RSF1: variants seen among roughly 807,000 people sequenced by gnomAD.
RSF1 encodes the protein remodeling and spacing factor 1.
RSF1 carries 13 observed loss-of-function variants against 145.2 expected under a neutral mutation model. The observed-to-expected ratio is 0.09, with a 90% CI of 0.06 to 0.14. The LOEUF is 0.14. Among genes scored for constraint, RSF1 ranks in the 10% least tolerant of loss-of-function variants. The pLI is 1.00. For missense variants in RSF1, 1,517 were observed against 1,718.2 expected (o/e 0.88, Z 2.07); for synonymous variants, 577 against 592.6 (o/e 0.97, Z 0.38).
the RSF1 span, chr11:77,866,374 G>C: frequency 1.2e-4 from 18 of 152,376 alleles, no homozygotes; most frequent in East Asian, 3.5e-3. Flanking sequence ...AAGAGCCTTA[G>C]TGATTTGCCC....
chr11:77,794,537 A>G (rs1948552938), intron 1 of RSF1, among the ~76,000 whole-genome samples: 1 of 152,058 alleles, frequency 6.6e-6, no homozygotes, highest in Admixed American at 6.6e-5. Context: ...ATAAATAAAT[A>G]AAAGATTAAA....
At chr11:77,750,619 G>A (rs1948052079) in intron 2 of RSF1, among the ~76,000 whole-genome samples, 1 of 152,128 alleles carries the variant, frequency 6.6e-6, no homozygotes, top group African/African-American at 2.4e-5. Context: ...GTCTATAACG[G>A]TGAATTCTTG....
At chr11:77,790,659 G>A (rs1281957074) in intron 1 of RSF1, among the ~76,000 whole-genome samples, 1 of 152,200 alleles carries the variant, frequency 6.6e-6, no homozygotes, top group Admixed American at 6.5e-5. Flanking sequence ...TGGGGGTGCA[G>A]GAAGTTGATA....
intron 1 of RSF1, among the ~76,000 whole-genome samples, chr11:77,808,089 T>G (rs1220864540): frequency 6.6e-6 from 1 of 152,182 alleles, no homozygotes; most frequent in East Asian, 1.9e-4. Context: ...ATCCCAGCAC[T>G]TTGGGAGGCC....
chr11:77,812,545 G>A (rs1948741352), intron 1 of RSF1, among the ~76,000 whole-genome samples: 1 of 152,114 alleles, frequency 6.6e-6, no homozygotes, highest in Non-Finnish European at 1.5e-5. Flanking sequence ...GGAGGCTGAA[G>A]CCTGGTCTGT....
At chr11:77,680,988 G>A (rs578251522) in intron 11 of RSF1, among the ~76,000 whole-genome samples, 34 of 152,208 alleles carry the variant, frequency 2.2e-4, no homozygotes, top group African/African-American at 8.2e-4. Flanking sequence ...AAATTTGTTC[G>A]CTAAAATCAA....
At chr11:77,785,957 A>AAAT (rs1565180189) in intron 1 of RSF1, among the ~76,000 whole-genome samples, 3 of 141,816 alleles carry the variant, frequency 2.1e-5, no homozygotes, top group African/African-American at 8.0e-5. Flanking sequence ...AAAAAAAAGA[A>AAAT]TTATACGTAG....
At chr11:77,854,501 T>C in the RSF1 span, among the ~76,000 whole-genome samples, 1 of 152,202 alleles carries the variant, frequency 6.6e-6, no homozygotes, top group African/African-American at 2.4e-5. Context: ...TACAGGCCCA[T>C]GCAAGTCTGA....
chr11:77,860,011 C>T, the RSF1 span, among the ~76,000 whole-genome samples: 1 of 152,196 alleles, frequency 6.6e-6, no homozygotes, highest in Non-Finnish European at 1.5e-5. Context: ...GCTGCCATTA[C>T]CCATAAACAA....
intron 5 of RSF1, among the ~76,000 whole-genome samples, chr11:77,704,150 C>T (rs1478491861): frequency 3.9e-5 from 6 of 152,090 alleles, no homozygotes; most frequent in South Asian, 2.1e-4. Flanking sequence ...AAAAAGTAGC[C>T]GGGGCATGGT....
At chr11:77,820,433 G>A (rs999954606) in intron 1 of RSF1, 95 bp downstream of exon 1, 16 of 1,299,316 alleles carry the variant, frequency 1.2e-5, no homozygotes, top group Non-Finnish European at 1.7e-5. Flanking sequence ...GAGCCGCGGA[G>A]GCCCGAGCCG....
intron 2 of RSF1, 199 bp downstream of exon 2, chr11:77,764,399 A>T (rs1409727727): frequency 1.2e-4 from 61 of 504,350 alleles, no homozygotes; most frequent in Non-Finnish European, 1.5e-4. Flanking sequence ...CACTTCTGAA[A>T]TCTAACTTCA....
chr11:77,850,151 T>A, the RSF1 span, among the ~76,000 whole-genome samples: 4 of 152,236 alleles, frequency 2.6e-5, no homozygotes, highest in African/African-American at 9.6e-5. Flanking sequence ...GTTAATGTTA[T>A]AATTCCTTTT....
At chr11:77,750,280 A>T (rs1214819437) in intron 2 of RSF1, among the ~76,000 whole-genome samples, 2 of 152,216 alleles carry the variant, frequency 1.3e-5, no homozygotes, top group East Asian at 3.9e-4. Flanking sequence ...CTCAAGGCCC[A>T]AACAAGAAAT....
chr11:77,667,153 T>C lies in RSF1; in HGVS notation c.4090A>G (p.Ser1364Gly). The change falls in exon 16 of 16, where the codon AGC (serine) becomes GGC (glycine). Residue 1364 changes from serine (S) to glycine (G), a missense_variant. Physicochemically the swap from Ser to Gly is moderately conservative, Grantham distance 56 (BLOSUM62 0). This residue lies in a region of RSF1 where 240 missense variants were observed against 231.8 expected (regional missense o/e 1.04). Transcript: ENST00000308488. ...TTGGTTGAAGGTAAGTCCACTAAGC[T>C]ATAGTCCAATGGGCTCCCCACTTTG... ...VGKVGSPLDY[S>G]LVDLPSTNGQ... 6.2e-7 allele frequency: 1 copy of C among 1,614,234 alleles called. No individual in the cohort carries two copies. Among genetic ancestry groups the C allele is most frequent in the Middle Eastern group, 1.6e-4 (1 of 6,062 alleles).
intron 1 of RSF1, among the ~76,000 whole-genome samples, chr11:77,785,629 TG>T (rs1271310375): frequency 4.0e-5 from 6 of 150,186 alleles, no homozygotes; most frequent in African/African-American, 1.5e-4. Flanking sequence ...ATTAAAGATG[TG>T]TACTTGAGCA....
At chr11:77,787,374 CTGAA>C (rs1948467422) in intron 1 of RSF1, among the ~76,000 whole-genome samples, 1 of 151,910 alleles carries the variant, frequency 6.6e-6, no homozygotes. Context: ...TATTAAATGG[CTGAA>C]AAAGGTAAAA....
At chr11:77,724,332 T>G (rs1961003334) in intron 5 of RSF1, among the ~76,000 whole-genome samples, 1 of 152,066 alleles carries the variant, frequency 6.6e-6, no homozygotes, top group African/African-American at 2.4e-5. Context: ...CCTCAAAAAA[T>G]TAAACACAGA....
At chr11:77,784,650 G>A (rs1018075487) in intron 1 of RSF1, among the ~76,000 whole-genome samples, 1 of 152,096 alleles carries the variant, frequency 6.6e-6, no homozygotes, top group African/African-American at 2.4e-5. Context: ...AAAATCAGTT[G>A]GGCTTTGTTT....
Sources: allele counts gnomAD v4.1 joint callset (sites outside exome capture counted in the v4.1 genomes callset), GRCh38; gene constraint gnomAD v4.1.1; regional missense constraint gnomAD v4.1.1; transcripts MANE v1.5; gene names NCBI Gene and HGNC (gene_info 2026-07-23, HGNC 2026-07-21).